The following ZBTB7C variants were observed in gnomAD, a reference collection of about 807,000 sequenced individuals.
The protein encoded by ZBTB7C is zinc finger and BTB domain-containing protein 7C.
Under a neutral mutation model 25.7 loss-of-function variants are expected in ZBTB7C, and 8 were observed. That is an observed-to-expected ratio of 0.31 (90% confidence interval 0.18 to 0.56). The LOEUF (loss-of-function observed/expected upper bound fraction) is 0.56. Ranked by LOEUF, ZBTB7C falls within the 20% of genes least tolerant of loss-of-function variation. ZBTB7C has a pLI of 0.91. For missense variants in ZBTB7C, 824 were observed against 855.2 expected, an observed-to-expected ratio of 0.96 and a Z score of 0.46; for synonymous variants, 394 against 369.0, an observed-to-expected ratio of 1.07 and a Z score of -0.78.
In ZBTB7C at chr18:48,387,290, C is replaced by T. The variant is rs113963946; in HGVS notation, c.-304+21936G>A. Among the ~76,000 whole-genome samples, 6 of 152,164 alleles carry T rather than the reference C, an allele frequency of 3.9e-5. 1 individual carries two copies. In the South Asian group the frequency reaches 1.0e-3, roughly 26 times the overall value. Reference sequence around the variant, plus strand: ...TTTTTGGTAGAAAGGTAAAGTGTGCCGAATAGCATTCCAGGAAGCCCCACT... The same window carrying T: ...TTTTTGGTAGAAAGGTAAAGTGTGCTGAATAGCATTCCAGGAAGCCCCACT... On this transcript the variant is annotated intron_variant, in intron 1 of 4. Transcript: ENST00000590800.
intron 2 of ZBTB7C, among the ~76,000 whole-genome samples, chr18:48,246,674 A>G (rs918663522): frequency 7.9e-5 from 12 of 152,218 alleles, no homozygotes; most frequent in Non-Finnish European, 1.0e-4. Flanking sequence ...ATCCTGTTAA[A>G]CTAAATATGT....
At chr18:48,389,603 G>T (rs577344454) in intron 1 of ZBTB7C, among the ~76,000 whole-genome samples, 1 of 151,686 alleles carries the variant, frequency 6.6e-6, no homozygotes, top group Non-Finnish European at 1.5e-5. Context: ...GTTCCCCAGG[G>T]TATACTCATA....
chr18:48,184,368 G>A (rs1464255517), intron 3 of ZBTB7C, among the ~76,000 whole-genome samples: 1 of 152,194 alleles, frequency 6.6e-6, no homozygotes, highest in Non-Finnish European at 1.5e-5. Context: ...CGGAAAGTCA[G>A]TGTGGACGTC....
intron 1 of ZBTB7C, among the ~76,000 whole-genome samples, chr18:48,365,349 T>G (rs1036268023): frequency 6.6e-6 from 1 of 152,172 alleles, no homozygotes; most frequent in African/African-American, 2.4e-5. Context: ...TTTGATAAAT[T>G]CTGTCCTTTG....
chr18:48,341,671 G>A (rs922705472), intron 1 of ZBTB7C, among the ~76,000 whole-genome samples: 14 of 152,216 alleles, frequency 9.2e-5, no homozygotes, highest in Non-Finnish European at 1.6e-4. Flanking sequence ...ACAGCATGCC[G>A]CTTGTTACCT....
At chr18:48,313,549 G>A (rs1598848001) in intron 2 of ZBTB7C, among the ~76,000 whole-genome samples, 1 of 152,358 alleles carries the variant, frequency 6.6e-6, no homozygotes, top group African/African-American at 2.4e-5. Flanking sequence ...TGGACCAGCA[G>A]CATAGGCCTT....
At chr18:48,342,545 C>A (rs956307531) in intron 1 of ZBTB7C, among the ~76,000 whole-genome samples, 2 of 152,230 alleles carry the variant, frequency 1.3e-5, no homozygotes, top group African/African-American at 4.8e-5. Context: ...GATTACCCTG[C>A]ACCTAGAGAG....
intron 1 of ZBTB7C, among the ~76,000 whole-genome samples, chr18:48,382,092 TG>T (rs2047645684): frequency 6.6e-6 from 1 of 152,094 alleles, no homozygotes; most frequent in Non-Finnish European, 1.5e-5. Flanking sequence ...GTAGTGCAAG[TG>T]GTAGGTAGGT....
intron 2 of ZBTB7C, among the ~76,000 whole-genome samples, chr18:48,234,231 C>T (rs987089078): frequency 3.3e-5 from 5 of 151,734 alleles, no homozygotes; most frequent in South Asian, 2.1e-4. Flanking sequence ...GTTTACAATG[C>T]GTTATTATAT....
At chr18:48,261,311 C>G (rs562566192) in intron 2 of ZBTB7C, among the ~76,000 whole-genome samples, 9 of 152,246 alleles carry the variant, frequency 5.9e-5, no homozygotes, top group Admixed American at 3.9e-4. Flanking sequence ...CGTGTGCAGA[C>G]AGGGGCTCCA....
At chr18:48,273,873 A>G (rs2044562430) in intron 2 of ZBTB7C, among the ~76,000 whole-genome samples, 1 of 152,038 alleles carries the variant, frequency 6.6e-6, no homozygotes, top group African/African-American at 2.4e-5. Context: ...TTTTTTCTAT[A>G]TTTTCCTTTT....
At chr18:48,062,319 C>T (rs966817507) in intron 3 of ZBTB7C, among the ~76,000 whole-genome samples, 1 of 152,196 alleles carries the variant, frequency 6.6e-6, no homozygotes, top group Non-Finnish European at 1.5e-5. Context: ...ACTTCCCTCT[C>T]CCTCTCCCCA....
chr18:48,236,377 C>T (rs2145371834), intron 2 of ZBTB7C, among the ~76,000 whole-genome samples: 1 of 152,246 alleles, frequency 6.6e-6, no homozygotes, highest in Admixed American at 6.5e-5. Flanking sequence ...AGGGTTTTAG[C>T]CCATGAGAAG....
rs1241549237 is a variant in ZBTB7C at position 48,254,047 on chromosome 18, C to T, written c.-78-68052G>A. ...CATGAGAATACAGTTTCTTCATCAC[C>T]TTGTCCCATGACTCTGATATAGGAG... On this transcript the variant is annotated intron_variant, in intron 2 of 4. Coordinates refer to ENST00000590800, the MANE Select transcript of ZBTB7C (RefSeq NM_001318841.2). Among the ~76,000 whole-genome samples the T allele has an allele frequency of 3.9e-5, 6 of 152,218 alleles. 1 individual carries two copies. The East Asian group carries it at 1.2e-3, about 29-fold the overall frequency.
intron 3 of ZBTB7C, among the ~76,000 whole-genome samples, chr18:48,094,594 T>TA (rs891985051): frequency 2.9e-4 from 44 of 152,194 alleles, no homozygotes; most frequent in African/African-American, 1.0e-3. Context: ...GGAAGTAGTT[T>TA]AAAAAAAATT....
At chr18:48,362,977 T>C (rs535907893) in intron 1 of ZBTB7C, among the ~76,000 whole-genome samples, 85 of 152,334 alleles carry the variant, frequency 5.6e-4, no homozygotes, top group African/African-American at 2.0e-3. Context: ...ACAGGTAAAC[T>C]GGACGAAGCT....
rs1208566350 is a variant in ZBTB7C, at chr18:48,305,409, C to A, written c.-79+32765G>T. 2.0e-5 allele frequency among the ~76,000 whole-genome samples: 3 copies of A among 152,112 alleles called. 1 individual carries two copies. The highest frequency in any genetic ancestry group is 4.2e-4 in the South Asian group (2 of 4,816). On this transcript the variant is annotated intron_variant, in intron 2 of 4. Coordinates refer to ENST00000590800, the MANE Select transcript of ZBTB7C (RefSeq NM_001318841.2). The stretch of plus-strand genomic sequence containing the variant: ...AGGGACCTGGAGTTGGGCTTTGCTG[C>A]GGGCAAGCTAAAGTTCTATCCTGGG...
chr18:48,118,231 C>T (rs1378745579), intron 3 of ZBTB7C, among the ~76,000 whole-genome samples: 1 of 152,120 alleles, frequency 6.6e-6, no homozygotes, highest in East Asian at 1.9e-4. Flanking sequence ...GTCTCAAACT[C>T]CTGACCTCAA....
At chr18:48,146,470 T>G (rs1317909923) in intron 3 of ZBTB7C, among the ~76,000 whole-genome samples, 1 of 152,148 alleles carries the variant, frequency 6.6e-6, no homozygotes, top group African/African-American at 2.4e-5. Flanking sequence ...TTAATAAACT[T>G]TTTTTTGCCA....
Sources: allele counts gnomAD v4.1 joint callset (sites outside exome capture counted in the v4.1 genomes callset), GRCh38; gene constraint gnomAD v4.1.1; transcripts MANE v1.5; gene names NCBI Gene and HGNC (gene_info 2026-07-23, HGNC 2026-07-21).